Variants in CCR3 observed in about 807,000 individuals in gnomAD.
CCR3 encodes C-C motif chemokine receptor 3, also known as C-C chemokine receptor type 3.
For missense variants in CCR3, 419 were observed against 437.5 expected, an observed-to-expected ratio of 0.96 and a Z score of 0.38; for synonymous variants, 203 against 179.2, an observed-to-expected ratio of 1.13 and a Z score of -1.06.
chr3:46,212,243 G>A (rs1699723040), intron 2 of CCR3, among the ~76,000 whole-genome samples: 1 of 152,150 alleles, frequency 6.6e-6, no homozygotes, highest in African/African-American at 2.4e-5. Flanking sequence ...ACATGAATAG[G>A]TTAATTTGGT....
chr3:46,245,295 G>C (rs1037214586), intron 1 of CCR3, among the ~76,000 whole-genome samples: 5 of 149,994 alleles, frequency 3.3e-5, no homozygotes, highest in African/African-American at 1.2e-4. Context: ...TTCCGTTCCT[G>C]CACTGTTCTC....
chr3:46,224,755 A>G (rs1047368771), intron 2 of CCR3, among the ~76,000 whole-genome samples: 1 of 149,374 alleles, frequency 6.7e-6, no homozygotes, highest in Non-Finnish European at 1.5e-5. Flanking sequence ...AAAAAAAAAA[A>G]GCCATCAACA....
chr3:46,266,095 C>T lies in CCR3; in HGVS notation c.937C>T (p.Arg313Cys), dbSNP rs777668503. 5.6e-6 allele frequency: 9 copies of T among 1,613,866 alleles called. 1 individual carries two copies. Among genetic ancestry groups the T allele is most frequent in the Middle Eastern group, 3.3e-4 (2 of 6,062 alleles). ...TGGAGAGAGGTTCCGGAAGTACCTGCGCCACTTCTTCCACAGGCACTTGCT... is the reference window on the plus strand; with the variant it reads ...TGGAGAGAGGTTCCGGAAGTACCTGTGCCACTTCTTCCACAGGCACTTGCT... ...FVGERFRKYL[R>C]HFFHRHLLMH... Residue 313 changes from arginine (R) to cysteine (C), a missense_variant, in exon 2 of 2, where the codon CGC becomes TGC. Arg to Cys is a radical substitution (Grantham distance 180). Transcript: ENST00000395940.
At chr3:46,263,313 T>C (rs1378485244) in intron 1 of CCR3, 1 of 154,150 alleles carries the variant, frequency 6.5e-6, no homozygotes, top group Non-Finnish European at 1.5e-5. Flanking sequence ...TGTTCTTTTC[T>C]TGCTTTAGAT....
At chr3:46,219,532 A>G (rs1466567394) in intron 2 of CCR3, among the ~76,000 whole-genome samples, 1 of 152,130 alleles carries the variant, frequency 6.6e-6, no homozygotes, top group East Asian at 1.9e-4. Context: ...CCAAAGCAAG[A>G]CTAAACAAAA....
chr3:46,231,127 G>C (rs1000284988), intron 2 of CCR3, among the ~76,000 whole-genome samples: 1 of 152,162 alleles, frequency 6.6e-6, no homozygotes, highest in Non-Finnish European at 1.5e-5. Flanking sequence ...GTTTCACCAT[G>C]TTGGCCAGGA....
chr3:46,239,286 A>G (rs897399395), upstream of CCR3, among the ~76,000 whole-genome samples: 1 of 152,232 alleles, frequency 6.6e-6, no homozygotes, highest in African/African-American at 2.4e-5. Flanking sequence ...TAGCTTCTTT[A>G]CAGAAATCTC....
intron 2 of CCR3, among the ~76,000 whole-genome samples, chr3:46,220,542 C>T (rs1421282583): frequency 1.3e-5 from 2 of 152,180 alleles, no homozygotes; most frequent in African/African-American, 4.8e-5. Flanking sequence ...ATGAAAAAGG[C>T]ACCTGCACAT....
intron 1 of CCR3, among the ~76,000 whole-genome samples, chr3:46,261,594 A>C (rs1700526519): frequency 6.6e-6 from 1 of 152,230 alleles, no homozygotes; most frequent in Admixed American, 6.5e-5. Flanking sequence ...TACCTTCCCC[A>C]TCAGAGCTAG....
intron 2 of CCR3, among the ~76,000 whole-genome samples, chr3:46,224,710 C>G (rs1295738486): frequency 7.2e-6 from 1 of 139,356 alleles, no homozygotes; most frequent in Admixed American, 7.6e-5. Context: ...GCACTCCAGC[C>G]TGGGCAACAG....
intron 1 of CCR3, among the ~76,000 whole-genome samples, chr3:46,251,631 C>T (rs923738292): frequency 3.3e-5 from 5 of 152,108 alleles, no homozygotes; most frequent in Non-Finnish European, 7.4e-5. Context: ...TGTGAAGAGA[C>T]CACCAAACAG....
intron 2 of CCR3, among the ~76,000 whole-genome samples, chr3:46,216,250 G>A (rs1056469648): frequency 9.9e-5 from 15 of 152,244 alleles, no homozygotes; most frequent in African/African-American, 2.2e-4. Flanking sequence ...GCAACTTTAT[G>A]TGTTGACACG....
intron 2 of CCR3, among the ~76,000 whole-genome samples, chr3:46,212,467 C>T (rs993138707): frequency 7.2e-6 from 1 of 139,364 alleles, no homozygotes; most frequent in African/African-American, 2.6e-5. Context: ...ACCTCATTTC[C>T]CCCCTCTTGG....
intron 2 of CCR3, among the ~76,000 whole-genome samples, chr3:46,237,374 C>T (rs2125926054): frequency 6.6e-6 from 1 of 152,268 alleles, no homozygotes; most frequent in South Asian, 2.1e-4. Flanking sequence ...AGATTTCTCC[C>T]ATTCTACAGA....
At chr3:46,239,691 G>T (rs1700059943), upstream of CCR3, among the ~76,000 whole-genome samples, 1 of 152,142 alleles carries the variant, frequency 6.6e-6, no homozygotes, top group Non-Finnish European at 1.5e-5. Flanking sequence ...TTATCCACAG[G>T]TTAGGTGATT....
rs754792621 is a variant in CCR3 at position 46,265,474 on chromosome 3, T to C, written c.316T>C (p.Cys106Arg). The C allele has an allele frequency of 6.2e-7, 1 of 1,614,084 alleles. No homozygotes were observed. Among genetic ancestry groups the C allele is most frequent in the African/African-American group, 1.3e-5 (1 of 74,932 alleles). ...GHNWVFGHGM[C>R]KLLSGFYHTG... ...TAACTGGGTTTTTGGCCATGGCATGTGTAAGCTCCTCTCAGGGTTTTATCA... is the reference window on the plus strand; with the variant it reads ...TAACTGGGTTTTTGGCCATGGCATGCGTAAGCTCCTCTCAGGGTTTTATCA... Residue 106 changes from cysteine to arginine, a missense_variant, in exon 2 of 2, where the codon TGT becomes CGT. Transcript: ENST00000395940.
At chr3:46,246,312 T>C (rs563899333) in intron 1 of CCR3, among the ~76,000 whole-genome samples, 1 of 152,304 alleles carries the variant, frequency 6.6e-6, no homozygotes, top group East Asian at 1.9e-4. Flanking sequence ...CAAACAGGCT[T>C]TGTGTGAGCA....
At chr3:46,221,028 A>T (rs867030149) in intron 2 of CCR3, among the ~76,000 whole-genome samples, 1 of 152,256 alleles carries the variant, frequency 6.6e-6, no homozygotes, top group Non-Finnish European at 1.5e-5. Context: ...ATGCACATGA[A>T]GAATTTAGCA....
chr3:46,257,791 T>G (rs907480743), intron 1 of CCR3, among the ~76,000 whole-genome samples: 1 of 152,138 alleles, frequency 6.6e-6, no homozygotes, highest in Non-Finnish European at 1.5e-5. Context: ...ACAGACCATC[T>G]ACAAGCTGGA....
Sources: gnomAD v4.1 joint callset for allele counts (sites outside exome capture counted in the v4.1 genomes callset) on GRCh38, gnomAD v4.1.1 for gene constraint, MANE v1.5 for transcripts, NCBI Gene and HGNC (gene_info 2026-07-23, HGNC 2026-07-21) for gene names.